The following BMAL2 variants were observed in gnomAD, a reference collection of about 807,000 sequenced individuals.
BMAL2 encodes the protein basic helix-loop-helix ARNT like 2.
At chr12:27,377,962 C>CCT in the BMAL2 span, among the ~76,000 whole-genome samples, 1 of 151,808 alleles carries the variant, frequency 6.6e-6, no homozygotes, top group South Asian at 2.1e-4. Flanking sequence ...CCTCCCTACT[C>CCT]TTATCTGGAA....
chr12:27,375,672 C>T, the BMAL2 span, among the ~76,000 whole-genome samples: 43 of 152,206 alleles, frequency 2.8e-4, no homozygotes, highest in South Asian at 6.2e-4. Flanking sequence ...TCCCACAAAA[C>T]GATACATTTG....
At chr12:27,401,320 T>G in the BMAL2 span, 1 of 1,614,128 alleles carries the variant, frequency 6.2e-7, no homozygotes, top group Non-Finnish European at 8.5e-7. Context: ...ATGAATATTT[T>G]CATCAAGATG....
chr12:27,423,705 A>G, the BMAL2 span: 1 of 152,218 alleles, frequency 6.6e-6, no homozygotes, highest in Non-Finnish European at 1.5e-5. Flanking sequence ...TGGAATCAGA[A>G]GACCCTGTTG....
chr12:27,364,541 C>T, the BMAL2 span, among the ~76,000 whole-genome samples: 2 of 152,086 alleles, frequency 1.3e-5, no homozygotes, highest in African/African-American at 4.8e-5. Context: ...ATCCTCATAC[C>T]AGTACTACAC....
At chr12:27,381,340 T>C in the BMAL2 span, among the ~76,000 whole-genome samples, 1 of 152,166 alleles carries the variant, frequency 6.6e-6, no homozygotes, top group Non-Finnish European at 1.5e-5. Context: ...TAATTTATAA[T>C]GAAAAGAAGT....
the BMAL2 span, chr12:27,333,076 G>A: frequency 8.3e-7 from 1 of 1,204,884 alleles, no homozygotes. Context: ...TCCTGCGATG[G>A]CGGCGGAAGA....
At chr12:27,412,604 A>G in the BMAL2 span, among the ~76,000 whole-genome samples, 3 of 152,056 alleles carry the variant, frequency 2.0e-5, no homozygotes, top group Non-Finnish European at 4.4e-5. Flanking sequence ...AGCCCATAGG[A>G]CTTATGGGAC....
chr12:27,386,323 A>G, the BMAL2 span, among the ~76,000 whole-genome samples: 1 of 152,192 alleles, frequency 6.6e-6, no homozygotes, highest in South Asian at 2.1e-4. Context: ...TCGTACCTTC[A>G]TGGAACCCTG....
the BMAL2 span, chr12:27,368,366 A>C: frequency 6.2e-7 from 1 of 1,614,152 alleles, no homozygotes; most frequent in South Asian, 1.1e-5. Flanking sequence ...CTCACACATG[A>C]CAGAGTTTCC....
At chr12:27,401,877 CAT>C in the BMAL2 span, among the ~76,000 whole-genome samples, 1 of 152,170 alleles carries the variant, frequency 6.6e-6, no homozygotes, top group East Asian at 1.9e-4. Flanking sequence ...TTCTGTAATA[CAT>C]TCCTTCTTAC....
chr12:27,370,132 A>C, the BMAL2 span: 1 of 1,613,398 alleles, frequency 6.2e-7, no homozygotes, highest in Non-Finnish European at 8.5e-7. Context: ...CTTCCAGGTC[A>C]GGAATCATGA....
chr12:27,363,371 T>C, the BMAL2 span, among the ~76,000 whole-genome samples: 1 of 152,226 alleles, frequency 6.6e-6, no homozygotes, highest in Non-Finnish European at 1.5e-5. Flanking sequence ...ATTATATATG[T>C]GTTCACCTTT....
chr12:27,403,502 T>C, the BMAL2 span: 3 of 1,609,428 alleles, frequency 1.9e-6, no homozygotes, highest in Admixed American at 1.7e-5. Flanking sequence ...GCTGGTAGTA[T>C]TGGAACAGAT....
chr12:27,400,382 T>A, the BMAL2 span: 3 of 618,244 alleles, frequency 4.9e-6, no homozygotes, highest in Non-Finnish European at 7.5e-6. Flanking sequence ...ATTGGTGATA[T>A]CTTTTCAATG....
At chr12:27,351,095 C>T in the BMAL2 span, among the ~76,000 whole-genome samples, 13 of 150,628 alleles carry the variant, frequency 8.6e-5, no homozygotes, top group Non-Finnish European at 1.8e-4. Flanking sequence ...CTCAAGGGAT[C>T]CTCCTGCCTC....
the BMAL2 span, among the ~76,000 whole-genome samples, chr12:27,386,997 A>T: frequency 6.6e-6 from 1 of 152,230 alleles, no homozygotes; most frequent in East Asian, 1.9e-4. Context: ...TCTGCAGCCA[A>T]ACTTTTCATG....
At chr12:27,384,465 C>T in the BMAL2 span, among the ~76,000 whole-genome samples, 159 of 152,048 alleles carry the variant, frequency 1.0e-3, 1 homozygote, top group African/African-American at 3.7e-3. Flanking sequence ...CTCATGAATC[C>T]GTAACATTTG....
chr12:27,401,971 C>T, the BMAL2 span, among the ~76,000 whole-genome samples: 4 of 152,188 alleles, frequency 2.6e-5, no homozygotes, highest in South Asian at 2.1e-4. Context: ...ACAATGCAGA[C>T]GTGGATTTCT....
the BMAL2 span, chr12:27,400,786 C>T: frequency 6.3e-7 from 1 of 1,589,172 alleles, no homozygotes; most frequent in Non-Finnish European, 8.6e-7. Flanking sequence ...TAAACATTTA[C>T]ATGTTATAAT....
Sources: allele counts gnomAD v4.1 joint callset (sites outside exome capture counted in the v4.1 genomes callset), GRCh38; gene constraint gnomAD v4.1.1; transcripts MANE v1.5; gene names NCBI Gene and HGNC (gene_info 2026-07-23, HGNC 2026-07-21).